The following PDCD4 variants were observed in gnomAD, a reference collection of about 807,000 sequenced individuals.
The protein encoded by PDCD4 is programmed cell death 4.
A neutral mutation model predicts 54.0 loss-of-function variants in PDCD4; 56 were observed. The observed-to-expected ratio is 1.04, with a 90% CI of 0.84 to 1.30. The LOEUF (loss-of-function observed/expected upper bound fraction) is 1.30, where lower values mean the gene tolerates loss of function less well. Among genes scored for constraint, PDCD4 ranks in the 50% most tolerant of loss-of-function variants. PDCD4 has a pLI of 0.00. For synonymous variants in PDCD4, 186 were observed against 194.8 expected (o/e 0.95, Z 0.37); for missense variants, 584 against 559.8 (o/e 1.04, Z -0.44).
chr10:110,894,327 C>T (rs1046176627), intron 9 of PDCD4, 85 bp from the exon 10 acceptor site: 50 of 890,730 alleles, frequency 5.6e-5, no homozygotes, highest in Admixed American at 3.0e-4. Flanking sequence ...TAAATTTCTA[C>T]GATTACAGAA....
At chr10:110,876,976 C>T (rs1845515053) in intron 2 of PDCD4, among the ~76,000 whole-genome samples, 1 of 152,110 alleles carries the variant, frequency 6.6e-6, no homozygotes, top group African/African-American at 2.4e-5. Context: ...AGTGACTTAA[C>T]TCACTATTGT....
chr10:110,887,059 A>G (rs1168564273), intron 5 of PDCD4, among the ~76,000 whole-genome samples: 1 of 152,194 alleles, frequency 6.6e-6, no homozygotes, highest in Non-Finnish European at 1.5e-5. Flanking sequence ...AACTCCTAAT[A>G]CCAATCTCAG....
At position 110,871,971 on chromosome 10, in the gene PDCD4, G is replaced by C. The variant is rs943166945; in HGVS notation, c.-110G>C. The C allele has an allele frequency of 6.5e-6, 1 of 153,456 alleles. No homozygotes were observed. The allele number at this position is 153,456 out of a possible 1,614,324, so 9.5% of individuals were successfully genotyped here. On this transcript the variant is annotated 5_prime_UTR_variant, in exon 1 of 12. Transcript: ENST00000280154. The stretch of plus-strand genomic sequence containing the variant: ...CGGCAGAGACAGAAGAGCGGGGTCG[G>C]GGCCGGCTGACCAGGAACCTGGGCG...
In PDCD4 at chr10:110,887,796, A is replaced by C; in HGVS notation, c.687A>C (p.Thr229=). 6.2e-7 allele frequency: 1 copy of C among 1,613,752 alleles called. No homozygotes were observed. Among genetic ancestry groups the C allele is most frequent in the Non-Finnish European group, 8.5e-7 (1 of 1,179,682 alleles). Residue 229 remains threonine (T), a synonymous_variant, in exon 6 of 12, where the codon ACA becomes ACC. Transcript: ENST00000280154. ...AGCTTCTTTCTGACCTTTGTGGGAC[A>C]GTAATGAGCACAACTGATGTGGAAA... ...TSKLLSDLCG[T]VMSTTDVEKS...
chr10:110,872,658 G>A (rs1845435909), intron 1 of PDCD4, among the ~76,000 whole-genome samples: 1 of 152,334 alleles, frequency 6.6e-6, no homozygotes, highest in East Asian at 1.9e-4. Context: ...CGGGGGCGCT[G>A]GGAGGCGAAC....
At chr10:110,894,947 T>C (rs994196566) in intron 10 of PDCD4, among the ~76,000 whole-genome samples, 2 of 152,048 alleles carry the variant, frequency 1.3e-5, no homozygotes, top group East Asian at 3.8e-4. Context: ...AGGTAGTAAG[T>C]GTAAATAGAG....
rs760985930 is a variant in PDCD4, at chr10:110,894,437, C to G, written c.1124C>G (p.Thr375Ser). ...GCTATTATAATGGTTTTAGAGTCAA[C>G]TGGAGAAAGTACATTTAAGATGATT... ...YEAIIMVLES[T>S]GESTFKMILD... Residue 375 changes from threonine (T) to serine (S), a missense_variant, in exon 10 of 12, where the codon ACT becomes AGT. Transcript: ENST00000280154. The G allele has an allele frequency of 6.4e-7, 1 of 1,569,326 alleles. No individual in the cohort carries two copies. Among genetic ancestry groups the G allele is most frequent in the Non-Finnish European group, 8.8e-7 (1 of 1,140,680 alleles).
At chr10:110,892,770 A>C (rs1458922211) in intron 8 of PDCD4, among the ~76,000 whole-genome samples, 3 of 152,256 alleles carry the variant, frequency 2.0e-5, no homozygotes, top group Middle Eastern at 3.4e-3. Context: ...AGTGTTTATA[A>C]AGTGCATAGC....
intron 6 of PDCD4, 57 bp downstream of exon 6, chr10:110,887,943 G>A (rs1216147225): frequency 1.9e-5 from 23 of 1,184,494 alleles, no homozygotes; most frequent in Non-Finnish European, 2.6e-5. Flanking sequence ...CCTAATTGTG[G>A]AAATAATGTA....
At chr10:110,877,157 AGG>A (rs2135190019) in intron 2 of PDCD4, among the ~76,000 whole-genome samples, 1 of 152,360 alleles carries the variant, frequency 6.6e-6, no homozygotes, top group Admixed American at 6.5e-5. Flanking sequence ...AGTATGCTTT[AGG>A]GTTATAAATG....
chr10:110,876,748 C>T (rs564275672), intron 2 of PDCD4: 5 of 1,188,412 alleles, frequency 4.2e-6, no homozygotes, highest in Non-Finnish European at 5.8e-6. Context: ...GAATAGATGA[C>T]CAAATGTGAG....
In PDCD4 at chr10:110,881,253, T is replaced by C. The variant is rs748885694; in HGVS notation, c.64T>C (p.Ser22Pro). 1 of 1,612,468 alleles carries C rather than the reference T, an allele frequency of 6.2e-7. No individual in the cohort carries two copies. Among genetic ancestry groups the C allele is most frequent in the Admixed American group, 1.7e-5 (1 of 59,874 alleles). Residue 22 changes from serine (S) to proline (P), a missense_variant, in exon 3 of 12, where the codon TCT becomes CCT. Coordinates refer to ENST00000280154, the MANE Select transcript of PDCD4 (RefSeq NM_014456.5). ...NPADPDNLSD[S>P]LFSGDEENAG... ...TTAAGATCCTGATAACTTAAGTGAC[T>C]CTCTCTTTTCCGGTGATGAAGAAAA...
chr10:110,889,181 C>A (rs1439051351), intron 6 of PDCD4, among the ~76,000 whole-genome samples: 2 of 147,700 alleles, frequency 1.4e-5, no homozygotes, highest in African/African-American at 5.0e-5. Flanking sequence ...GAGATCGTGC[C>A]ACTGCACTCC....
chr10:110,874,381 A>G (rs762836993), intron 1 of PDCD4, among the ~76,000 whole-genome samples: 6 of 152,228 alleles, frequency 3.9e-5, no homozygotes, highest in East Asian at 1.9e-4. Flanking sequence ...CACGTATCAT[A>G]TGACATTATT....
At chr10:110,877,362 T>A (rs561066797) in intron 2 of PDCD4, among the ~76,000 whole-genome samples, 1 of 152,326 alleles carries the variant, frequency 6.6e-6, no homozygotes, top group African/African-American at 2.4e-5. Context: ...TGTGCACCAC[T>A]GTGCTTAGCC....
intron 10 of PDCD4, among the ~76,000 whole-genome samples, chr10:110,894,983 A>G (rs1845810040): frequency 6.6e-6 from 1 of 152,060 alleles, no homozygotes; most frequent in South Asian, 2.1e-4. Context: ...GAGTTTGCCC[A>G]ATGTCTGATG....
chr10:110,873,219 GA>G (rs557086826), intron 1 of PDCD4, among the ~76,000 whole-genome samples: 1 of 152,122 alleles, frequency 6.6e-6, no homozygotes, highest in Non-Finnish European at 1.5e-5. Flanking sequence ...AATGTGAAAG[GA>G]AAAAATATTA....
chr10:110,881,334 T>A lies in PDCD4; in HGVS notation c.145T>A (p.Ser49Thr). 2 of 1,614,072 alleles carry A rather than the reference T, an allele frequency of 1.2e-6. No individual in the cohort carries two copies. Among genetic ancestry groups the A allele is most frequent in the South Asian group, 2.2e-5 (2 of 91,084 alleles). The change falls in exon 3 of 12, where the codon TCC (serine) becomes ACC (threonine). Residue 49 changes from serine (S) to threonine (T), a missense_variant. By Grantham distance (58) the Ser-to-Thr change is moderately conservative. Transcript: ENST00000280154. ...EINGNWISAS[S>T]INEARINAKA... ...AAATGGAAATTGGATTTCAGCATCC[T>A]CCATTAACGAAGCTAGAATTAATGC... is the stretch of plus-strand genomic sequence containing the variant.
At chr10:110,894,278 G>A (rs189976293) in intron 9 of PDCD4, 80 bp downstream of exon 9, 2 of 934,784 alleles carry the variant, frequency 2.1e-6, no homozygotes, top group Non-Finnish European at 3.5e-6. Context: ...TTTAAATAAT[G>A]TACATCCTTT....
Sources: allele counts gnomAD v4.1 joint callset (sites outside exome capture counted in the v4.1 genomes callset), GRCh38; gene constraint gnomAD v4.1.1; transcripts MANE v1.5; gene names NCBI Gene and HGNC (gene_info 2026-07-23, HGNC 2026-07-21).